Variants in ATP2B2 observed in about 807,000 individuals in gnomAD.
ATP2B2 encodes the protein ATPase plasma membrane Ca2+ transporting 2.
A neutral mutation model predicts 120.0 loss-of-function variants in ATP2B2; 15 were observed. The observed-to-expected ratio is 0.12, with a 90% CI of 0.08 to 0.19. The LOEUF (loss-of-function observed/expected upper bound fraction) is 0.19, where lower values mean the gene tolerates loss of function less well. Ranked by LOEUF, ATP2B2 falls within the 10% of genes least tolerant of loss-of-function variation. The pLI is 1.00. For missense variants in ATP2B2, 1,045 were observed against 1,719.8 expected (o/e 0.61, Z 6.94); for synonymous variants, 694 against 700.3 (o/e 0.99, Z 0.14).
At chr3:10,360,341 T>TA (rs1255141579) in intron 12 of ATP2B2, among the ~76,000 whole-genome samples, 1 of 152,206 alleles carries the variant, frequency 6.6e-6, no homozygotes, top group African/African-American at 2.4e-5. Context: ...GATTAGCTTT[T>TA]AAAAAAATTA....
At chr3:10,553,778 A>G (rs1223252608) in intron 2 of ATP2B2, among the ~76,000 whole-genome samples, 1 of 152,224 alleles carries the variant, frequency 6.6e-6, no homozygotes, top group African/African-American at 2.4e-5. Flanking sequence ...GAGATAATCC[A>G]AAGTTTCTGT....
chr3:10,608,679 ACC>A (rs2069147558), intron 2 of ATP2B2, among the ~76,000 whole-genome samples: 1 of 152,120 alleles, frequency 6.6e-6, no homozygotes, highest in Non-Finnish European at 1.5e-5. Flanking sequence ...ATCTGCCAAG[ACC>A]TGGTTGAAAT....
chr3:10,463,352 G>A (rs926624701), intron 1 of ATP2B2, among the ~76,000 whole-genome samples: 11 of 152,158 alleles, frequency 7.2e-5, no homozygotes, highest in Admixed American at 3.3e-4. Flanking sequence ...GAATGACATG[G>A]GAAGCGAGGA....
intron 1 of ATP2B2, among the ~76,000 whole-genome samples, chr3:10,499,522 T>C (rs1299639049): frequency 3.9e-5 from 6 of 152,234 alleles, no homozygotes; most frequent in Non-Finnish European, 5.9e-5. Flanking sequence ...TTAGTACTAT[T>C]ATGATGAACA....
intron 1 of ATP2B2, among the ~76,000 whole-genome samples, chr3:10,689,345 T>C (rs887259599): frequency 4.6e-5 from 7 of 152,136 alleles, no homozygotes; most frequent in Admixed American, 4.6e-4. Context: ...CTTAGTTTTC[T>C]CAACTGTGTG....
intron 2 of ATP2B2, among the ~76,000 whole-genome samples, chr3:10,563,541 C>T (rs1031681769): frequency 9.8e-5 from 15 of 152,330 alleles, no homozygotes; most frequent in Admixed American, 9.8e-4. Context: ...GGCTTCCTTG[C>T]ACCTGGAGGG....
intron 14 of ATP2B2, among the ~76,000 whole-genome samples, chr3:10,355,304 T>C (rs3774180): frequency 0.37 from 56,557 of 151,954 alleles, 11,172 homozygotes; most frequent in South Asian, 0.57. Flanking sequence ...AGGGGCAGAA[T>C]TAGAACCCAT....
intron 1 of ATP2B2, among the ~76,000 whole-genome samples, chr3:10,482,964 C>T (rs1559393456): frequency 6.6e-6 from 1 of 152,192 alleles, no homozygotes; most frequent in African/African-American, 2.4e-5. Context: ...ACCCGTGCAG[C>T]AGGCACTGTA....
At chr3:10,545,661 G>A (rs1168866417) in intron 2 of ATP2B2, among the ~76,000 whole-genome samples, 1 of 152,216 alleles carries the variant, frequency 6.6e-6, no homozygotes, top group Non-Finnish European at 1.5e-5. Context: ...GGAATATGCA[G>A]TAATTGGGAA....
chr3:10,521,203 C>T (rs2066978599), intron 3 of ATP2B2, among the ~76,000 whole-genome samples: 1 of 152,228 alleles, frequency 6.6e-6, no homozygotes, highest in Non-Finnish European at 1.5e-5. Flanking sequence ...TAGTGGGTTT[C>T]CTGCCAAGCC....
Position 10,648,767 on chromosome 3 carries a change from C to G in ATP2B2, c.-459-28806G>C, listed in dbSNP as rs544831485. 8.1e-4 allele frequency among the ~76,000 whole-genome samples: 124 copies of G among 152,200 alleles called. 1 individual carries two copies. The highest frequency in any genetic ancestry group is 2.4e-4 in the Non-Finnish European group (16 of 68,036). ...AAATCACCAACACTTCTCCCAGCAC[C>G]AAATCCTACCAGTTTTCCATCTCTG... On this transcript the variant is annotated intron_variant, in intron 1 of 21. Coordinates refer to the ATP2B2 transcript ENST00000646379.
intron 3 of ATP2B2, among the ~76,000 whole-genome samples, chr3:10,517,833 G>A (rs935144156): frequency 3.9e-5 from 6 of 152,222 alleles, no homozygotes; most frequent in Admixed American, 3.9e-4. Context: ...ACTGTGCCGG[G>A]CACAGCAGGT....
chr3:10,435,103 C>T (rs907908194), intron 2 of ATP2B2, among the ~76,000 whole-genome samples: 4 of 152,188 alleles, frequency 2.6e-5, no homozygotes, highest in Non-Finnish European at 5.9e-5. Flanking sequence ...GCGACGTGGG[C>T]GAGTCCGTCA....
chr3:10,469,730 C>T (rs375815447), intron 1 of ATP2B2, among the ~76,000 whole-genome samples: 2 of 152,298 alleles, frequency 1.3e-5, no homozygotes, highest in African/African-American at 4.8e-5. Flanking sequence ...CCCTTTCACC[C>T]TGAGAAAGTG....
At position 10,449,680 on chromosome 3, in the gene ATP2B2, CG is replaced by C. The variant is rs1487534995; in HGVS notation, c.-138del. 1.9e-5 allele frequency: 20 copies of C among 1,078,624 alleles called. No homozygotes were observed. The highest frequency in any genetic ancestry group is 2.6e-5 in the Non-Finnish European group (19 of 718,732). The allele number at this position is 1,078,624 out of a possible 1,614,324, so 66.8% of individuals were successfully genotyped here. A position where few individuals can be genotyped will look rare whatever the true frequency, so the allele number is the denominator to read the frequency against. Reference sequence around the variant, plus strand: ...GCACCAGGCGGCCGACTCCGGGTCCCGGGGGGTGGGGGTGGCCGAGGCGGGC... The same window carrying C: ...GCACCAGGCGGCCGACTCCGGGTCCCGGGGGTGGGGGTGGCCGAGGCGGGC... On this transcript the variant is annotated 5_prime_UTR_variant, in exon 2 of 23. An upstream open reading frame in the 5' UTR loses its in-frame stop. Transcript: ENST00000360273.
chr3:10,595,111 C>G (rs2068735054), intron 2 of ATP2B2, among the ~76,000 whole-genome samples: 1 of 152,220 alleles, frequency 6.6e-6, no homozygotes, highest in Admixed American at 6.5e-5. Context: ...TTGATTGGCT[C>G]CAGGATGCTG....
intron 2 of ATP2B2, among the ~76,000 whole-genome samples, chr3:10,590,648 A>G (rs2068622368): frequency 6.6e-6 from 1 of 152,186 alleles, no homozygotes; most frequent in South Asian, 2.1e-4. Context: ...GACTGCTCTC[A>G]GTGGCCACCC....
At chr3:10,437,900 A>G (rs1213666922) in intron 2 of ATP2B2, among the ~76,000 whole-genome samples, 1 of 152,232 alleles carries the variant, frequency 6.6e-6, no homozygotes, top group Admixed American at 6.5e-5. Context: ...ACAGATATGC[A>G]TAGTGGGAAG....
intron 2 of ATP2B2, among the ~76,000 whole-genome samples, chr3:10,561,842 T>C (rs1365259228): frequency 6.6e-6 from 1 of 152,224 alleles, no homozygotes; most frequent in Non-Finnish European, 1.5e-5. Flanking sequence ...AACTCTTTCC[T>C]TTATAAATTA....
Sources: gnomAD v4.1 joint callset for allele counts (sites outside exome capture counted in the v4.1 genomes callset) on GRCh38, gnomAD v4.1.1 for gene constraint, MANE v1.5 for transcripts, NCBI Gene and HGNC (gene_info 2026-07-23, HGNC 2026-07-21) for gene names.